Variants in BMPR1B observed in about 807,000 individuals in gnomAD.
BMPR1B encodes bone morphogenetic protein receptor type-1B.
In BMPR1B, 12 loss-of-function variants were observed where a neutral mutation model predicts 59.1. That is an observed-to-expected ratio of 0.20 (90% confidence interval 0.13 to 0.33). The LOEUF (loss-of-function observed/expected upper bound fraction) is 0.33. Among genes scored for constraint, BMPR1B ranks in the 10% least tolerant of loss-of-function variants. BMPR1B has a pLI of 1.00. For synonymous variants in BMPR1B, 237 were observed against 207.3 expected, an observed-to-expected ratio of 1.14 and a Z score of -1.23; for missense variants, 550 against 610.9, an observed-to-expected ratio of 0.90 and a Z score of 1.05.
intron 2 of BMPR1B, among the ~76,000 whole-genome samples, chr4:94,962,185 T>G: frequency 6.7e-6 from 1 of 148,338 alleles, no homozygotes; most frequent in African/African-American, 2.5e-5. Context: ...TCACCGAGGC[T>G]GGAGTGCGGT....
rs185304168 is a variant in BMPR1B, at chr4:94,847,059, A to G, written c.-182-28772A>G. Among the ~76,000 whole-genome samples, 410 of 152,330 alleles carry G rather than the reference A, an allele frequency of 2.7e-3. 4 individuals are homozygous for G. Among genetic ancestry groups the G allele is most frequent in the African/African-American group, 9.4e-3 (389 of 41,572 alleles). On this transcript the variant is annotated intron_variant, in intron 1 of 12. Transcript: ENST00000515059. ...CTTGTAACTACCCATCTGACAAGGA[A>G]TAAATAACCAGAAAATATAAGGGGC...
At chr4:95,023,161 G>A (rs1341322406) in intron 3 of BMPR1B, among the ~76,000 whole-genome samples, 1 of 152,074 alleles carries the variant, frequency 6.6e-6, no homozygotes, top group Non-Finnish European at 1.5e-5. Flanking sequence ...CGTATTTCCA[G>A]TTTAAACACA....
rs577756832 is a variant in BMPR1B at position 94,903,373 on chromosome 4, T to C, written c.-113+27473T>C. On this transcript the variant is annotated intron_variant, in intron 2 of 12. Coordinates refer to ENST00000515059, the MANE Select transcript of BMPR1B (RefSeq NM_001203.3). ...CTGTCTCTATAGTGTCTATAGTTTCTGATTTCTGTGTTTGCTTTTGTTCTT... is the reference window on the plus strand; with the variant it reads ...CTGTCTCTATAGTGTCTATAGTTTCCGATTTCTGTGTTTGCTTTTGTTCTT... Among the ~76,000 whole-genome samples the C allele has an allele frequency of 1.9e-4, 29 of 152,124 alleles. No homozygotes were observed. The East Asian group carries it at 4.5e-3, about 23-fold the overall frequency.
intron 2 of BMPR1B, among the ~76,000 whole-genome samples, chr4:94,946,079 C>A (rs975315295): frequency 6.6e-6 from 1 of 152,016 alleles, no homozygotes; most frequent in Non-Finnish European, 1.5e-5. Context: ...AATTATAAAT[C>A]TAAACTCTTA....
At chr4:94,787,201 G>A (rs1210035855) in intron 1 of BMPR1B, among the ~76,000 whole-genome samples, 1 of 152,110 alleles carries the variant, frequency 6.6e-6, no homozygotes, top group Non-Finnish European at 1.5e-5. Flanking sequence ...TACCAGAATT[G>A]ACATATACTC....
chr4:94,934,581 G>T (rs1249231465), intron 2 of BMPR1B, among the ~76,000 whole-genome samples: 1 of 150,736 alleles, frequency 6.6e-6, no homozygotes, highest in African/African-American at 2.4e-5. Flanking sequence ...ATACGACTGA[G>T]ACTTAATAGA....
rs189763053 is a variant in BMPR1B, at chr4:95,043,552, C to G, written c.-18+47418C>G. On this transcript the variant is annotated intron_variant, in intron 3 of 12. Transcript: ENST00000515059. Reference sequence around the variant, plus strand: ...AGGCCATGCATATAATTATTATATTCATAACATGACATTAGCTTTTAAAAA... The same window carrying G: ...AGGCCATGCATATAATTATTATATTGATAACATGACATTAGCTTTTAAAAA... Among the ~76,000 whole-genome samples, 6 of 152,206 alleles carry G rather than the reference C, an allele frequency of 3.9e-5. No individual in the cohort carries two copies. In the East Asian group the frequency reaches 1.2e-3, roughly 29 times the overall value.
At chr4:94,847,467 C>T (rs886464452) in intron 1 of BMPR1B, among the ~76,000 whole-genome samples, 1 of 152,060 alleles carries the variant, frequency 6.6e-6, no homozygotes, top group Non-Finnish European at 1.5e-5. Flanking sequence ...TCAGTGTTAT[C>T]GAATAGATAT....
chr4:95,039,421 CTTT>C (rs35591365), intron 3 of BMPR1B, among the ~76,000 whole-genome samples: 19 of 140,948 alleles, frequency 1.3e-4, no homozygotes, highest in Admixed American at 4.2e-4. Context: ...TTTACTTCTT[CTTT>C]TTTTTTTTTT....
At chr4:95,088,963 A>G (rs1404838418) in intron 3 of BMPR1B, among the ~76,000 whole-genome samples, 1 of 152,160 alleles carries the variant, frequency 6.6e-6, no homozygotes, top group Non-Finnish European at 1.5e-5. Flanking sequence ...ACCAATGAAT[A>G]CAATTTGGTA....
rs147217958 is a variant in BMPR1B at position 94,952,348 on chromosome 4, T to C, written c.-112-43692T>C. Among the ~76,000 whole-genome samples, 1,203 of 152,294 alleles carry C rather than the reference T, an allele frequency of 7.9e-3. 15 individuals carry two copies. Among genetic ancestry groups the C allele is most frequent in the African/African-American group, 0.027 (1,135 of 41,552 alleles). ...GCTTCTCTAATTCTTTTAATTGTGA[T>C]GTTAGGGTTTTGATTTTAGATCTTT... On this transcript the variant is annotated intron_variant, in intron 2 of 12. Transcript: ENST00000515059.
intron 3 of BMPR1B, among the ~76,000 whole-genome samples, chr4:95,068,481 A>C (rs1728022691): frequency 6.6e-6 from 1 of 152,084 alleles, no homozygotes; most frequent in Non-Finnish European, 1.5e-5. Context: ...GGAACTGAAC[A>C]CTATCTCATC....
intron 3 of BMPR1B, among the ~76,000 whole-genome samples, chr4:95,031,998 A>G (rs1724895150): frequency 6.6e-6 from 1 of 152,182 alleles, no homozygotes; most frequent in South Asian, 2.1e-4. Flanking sequence ...AGTATTCAGT[A>G]TATTCACATT....
At chr4:94,777,226 A>G (rs1007611324) in intron 1 of BMPR1B, among the ~76,000 whole-genome samples, 2 of 152,114 alleles carry the variant, frequency 1.3e-5, no homozygotes, top group Non-Finnish European at 2.9e-5. Flanking sequence ...CTCATATTTT[A>G]AGAGAAGTGT....
chr4:94,892,152 T>C (rs999782981), intron 2 of BMPR1B, among the ~76,000 whole-genome samples: 2 of 152,082 alleles, frequency 1.3e-5, no homozygotes, highest in East Asian at 3.9e-4. Context: ...AAATGGAGGT[T>C]AACATCCCAG....
At chr4:95,056,487 G>A (rs948390242) in intron 3 of BMPR1B, among the ~76,000 whole-genome samples, 2 of 152,122 alleles carry the variant, frequency 1.3e-5, no homozygotes, top group Non-Finnish European at 2.9e-5. Context: ...GTTTAATGGA[G>A]ACATAAAGAA....
intron 1 of BMPR1B, among the ~76,000 whole-genome samples, chr4:94,770,792 C>T (rs1439981177): frequency 2.0e-5 from 3 of 147,266 alleles, no homozygotes; most frequent in Non-Finnish European, 4.5e-5. Flanking sequence ...AGTACCTTGT[C>T]AAGGGCTTTT....
chr4:94,805,409 A>T (rs1723569583), intron 1 of BMPR1B, among the ~76,000 whole-genome samples: 3 of 152,254 alleles, frequency 2.0e-5, no homozygotes, highest in African/African-American at 7.2e-5. Context: ...TGCTGAAAGG[A>T]AGTGTATTTG....
At chr4:95,081,609 C>G (rs1729144303) in intron 3 of BMPR1B, among the ~76,000 whole-genome samples, 1 of 152,000 alleles carries the variant, frequency 6.6e-6, no homozygotes, top group African/African-American at 2.4e-5. Context: ...GGTAAAAGAT[C>G]AGTTTAAAAT....
Sources: allele counts gnomAD v4.1 joint callset (sites outside exome capture counted in the v4.1 genomes callset), GRCh38; gene constraint gnomAD v4.1.1; transcripts MANE v1.5; gene names NCBI Gene and HGNC (gene_info 2026-07-23, HGNC 2026-07-21).